CFAP54: variants seen among roughly 807,000 people sequenced by gnomAD.
CFAP54 encodes cilia and flagella associated protein 54.
A neutral mutation model predicts 370.4 loss-of-function variants in CFAP54; 290 were observed. That is an observed-to-expected ratio of 0.78 (90% confidence interval 0.71 to 0.86). The LOEUF (loss-of-function observed/expected upper bound fraction) is 0.86. CFAP54 is among the 40% of genes least tolerant of loss of function. The pLI is 0.00. For missense variants in CFAP54, 3,399 were observed against 3,528.7 expected (o/e 0.96, Z 0.93); for synonymous variants, 1,206 against 1,236.5 (o/e 0.98, Z 0.52).
intron 26 of CFAP54, among the ~76,000 whole-genome samples, chr12:96,618,777 A>G (rs11830193): frequency 0.014 from 2,108 of 152,316 alleles, 55 homozygotes; most frequent in African/African-American, 0.048. Flanking sequence ...ACCAGCTTCT[A>G]GCTGACTCTG....
At chr12:96,690,749 A>G (rs965917974) in intron 43 of CFAP54, among the ~76,000 whole-genome samples, 15 of 152,176 alleles carry the variant, frequency 9.9e-5, no homozygotes, top group Non-Finnish European at 7.4e-5. Context: ...TTAAGCCTCA[A>G]TTATATCATT....
chr12:96,608,388 C>T (rs980270369), intron 26 of CFAP54, among the ~76,000 whole-genome samples: 1 of 151,048 alleles, frequency 6.6e-6, no homozygotes, highest in Non-Finnish European at 1.5e-5. Context: ...AAATATGTCT[C>T]TCTATATACA....
At chr12:96,844,396 A>T (rs1401951820) in intron 66 of CFAP54, among the ~76,000 whole-genome samples, 1 of 152,168 alleles carries the variant, frequency 6.6e-6, no homozygotes, top group Non-Finnish European at 1.5e-5. Flanking sequence ...AAATACAGGC[A>T]GCCTCTAGAA....
intron 48 of CFAP54, among the ~76,000 whole-genome samples, chr12:96,712,755 T>C (rs78728700): frequency 0.04 from 6,064 of 152,232 alleles, 223 homozygotes; most frequent in South Asian, 0.19. Context: ...AGCTCTCACA[T>C]ATGAGTGAGA....
intron 50 of CFAP54, among the ~76,000 whole-genome samples, chr12:96,739,383 A>C (rs757889572): frequency 6.6e-6 from 1 of 152,216 alleles, no homozygotes; most frequent in Non-Finnish European, 1.5e-5. Context: ...GTATGGAGCA[A>C]CAGGAAGTGA....
rs1957057389 is a variant in CFAP54, at chr12:96,664,788, TATATATATATATATATATATATATAG to T, written c.5563+867_5563+892del. On this transcript the variant is annotated intron_variant, in intron 39 of 67. Coordinates refer to ENST00000524981, the MANE Select transcript of CFAP54 (RefSeq NM_001306084.2). The stretch of plus-strand genomic sequence containing the variant: ...ATCTATATCTATATCTATATATATA[TATATATATATATATATATATATATAG>T]ATATATATATGTATATCCCATAATG... 1.1e-4 allele frequency among the ~76,000 whole-genome samples: 3 copies of T among 27,898 alleles called. 1 individual carries two copies. The highest frequency in any genetic ancestry group is 8.2e-4 in the Admixed American group (2 of 2,436). The allele number at this position is 27,898 out of a possible 152,430, so 18.3% of individuals were successfully genotyped here. A position where few individuals can be genotyped will look rare whatever the true frequency, so the allele number is the denominator to read the frequency against.
chr12:96,585,748 A>T (rs537469063), intron 22 of CFAP54, among the ~76,000 whole-genome samples: 1 of 152,206 alleles, frequency 6.6e-6, no homozygotes, highest in Non-Finnish European at 1.5e-5. Context: ...TACAGCCAGC[A>T]TGGACTTTCC....
At chr12:96,543,211 T>A (rs1304144149) in intron 14 of CFAP54, among the ~76,000 whole-genome samples, 1 of 152,240 alleles carries the variant, frequency 6.6e-6, no homozygotes, top group East Asian at 1.9e-4. Context: ...TCTAGGTTGG[T>A]TCCCCAGAAG....
intron 63 of CFAP54, among the ~76,000 whole-genome samples, chr12:96,802,616 G>T (rs1246420064): frequency 1.3e-5 from 2 of 152,066 alleles, no homozygotes; most frequent in Non-Finnish European, 2.9e-5. Context: ...ACATCTGGCC[G>T]ACTACTCCCA....
At chr12:96,789,872 G>T (rs571828277) in intron 62 of CFAP54, among the ~76,000 whole-genome samples, 10 of 152,232 alleles carry the variant, frequency 6.6e-5, no homozygotes, top group Admixed American at 5.9e-4. Flanking sequence ...GACAGCTAAT[G>T]AGCATAAAGC....
At chr12:96,649,820 A>G in intron 34 of CFAP54, 71 bp from the exon 35 acceptor site, 13 of 970,330 alleles carry the variant, frequency 1.3e-5, no homozygotes, top group East Asian at 2.6e-5. Flanking sequence ...CTTGATCCTT[A>G]TCACCTACTG....
At chr12:96,526,328 T>C (rs1176326218) in intron 8 of CFAP54, among the ~76,000 whole-genome samples, 1 of 152,212 alleles carries the variant, frequency 6.6e-6, no homozygotes, top group Non-Finnish European at 1.5e-5. Flanking sequence ...CAAAGCAGAA[T>C]GACTGGGAAC....
intron 6 of CFAP54, among the ~76,000 whole-genome samples, chr12:96,521,034 A>G (rs774935502): frequency 1.3e-5 from 2 of 152,114 alleles, no homozygotes; most frequent in Non-Finnish European, 2.9e-5. Context: ...GTGGTGGCAT[A>G]TTTTGTTCTA....
At position 96,489,767 on chromosome 12, in the gene CFAP54, A is replaced by G; in HGVS notation, c.158A>G (p.Glu53Gly). The change falls in exon 1 of 68, where the codon GAG becomes GGG. Residue 53 changes from glutamate to glycine, a missense_variant. Physicochemically the swap from Glu to Gly is moderately conservative, Grantham distance 98 (BLOSUM62 -2). Around this residue, in one of 3 missense-constraint regions of CFAP54, gnomAD observed 559 missense variants for 576.7 expected, o/e 0.97. Transcript: ENST00000524981. ...TCGCTGCTTCAGTGGACCTGCCCCG[A>G]GGACTCATTGCCCCTAGCCGTGTTT... ...RSSLLQWTCP[E>G]DSLPLAVFYG... 1 of 1,536,136 alleles carries G rather than the reference A, an allele frequency of 6.5e-7. No individual in the cohort carries two copies. The highest frequency in any genetic ancestry group is 8.7e-7 in the Non-Finnish European group (1 of 1,146,910).
chr12:96,606,635 C>T (rs558259822), intron 26 of CFAP54, among the ~76,000 whole-genome samples: 2 of 152,184 alleles, frequency 1.3e-5, no homozygotes, highest in Non-Finnish European at 2.9e-5. Context: ...CCCGACTTTT[C>T]TCTTTTTCAA....
chr12:96,708,348 G>T (rs1368517951), intron 47 of CFAP54, among the ~76,000 whole-genome samples: 1 of 152,080 alleles, frequency 6.6e-6, no homozygotes, highest in African/African-American at 2.4e-5. Flanking sequence ...TGAGCACCAG[G>T]TTTACTCTGC....
Position 96,747,247 on chromosome 12 carries a change from C to T in CFAP54, c.7684+3101C>T, listed in dbSNP as rs113622526. Among the ~76,000 whole-genome samples, 247 of 152,210 alleles carry T rather than the reference C, an allele frequency of 1.6e-3. 1 individual carries two copies. The highest frequency in any genetic ancestry group is 5.8e-3 in the African/African-American group (239 of 41,538). ...AATTTTTATACAATGGAAAGGTGTT[C>T]GCACTACATTGGAACATATATAACA... On this transcript the variant is annotated intron_variant, in intron 55 of 67. Coordinates refer to ENST00000524981, the MANE Select transcript of CFAP54 (RefSeq NM_001306084.2).
intron 8 of CFAP54, among the ~76,000 whole-genome samples, chr12:96,523,864 A>G (rs1056802749): frequency 6.6e-6 from 1 of 152,172 alleles, no homozygotes; most frequent in African/African-American, 2.4e-5. Context: ...TTACATTAAA[A>G]ACTAATTTGT....
intron 63 of CFAP54, among the ~76,000 whole-genome samples, chr12:96,794,767 C>A (rs1213327845): frequency 6.6e-6 from 1 of 152,106 alleles, no homozygotes. Context: ...TGGTTTGGAT[C>A]CATTGCTGGT....
Sources: gnomAD v4.1 joint callset for allele counts (sites outside exome capture counted in the v4.1 genomes callset) on GRCh38, gnomAD v4.1.1 for gene constraint, gnomAD v4.1.1 regional missense constraint, MANE v1.5 for transcripts, NCBI Gene and HGNC (gene_info 2026-07-23, HGNC 2026-07-21) for gene names.